The following ERICH6B variants were observed in gnomAD, a reference collection of about 807,000 sequenced individuals.
ERICH6B encodes glutamate rich 6B, also known as glutamate-rich protein 6B.
Under a neutral mutation model 80.0 loss-of-function variants are expected in ERICH6B, and 69 were observed. The observed-to-expected ratio is 0.86, with a 90% CI of 0.71 to 1.05. The LOEUF is 1.05. Among genes scored for constraint, ERICH6B ranks in the 50% least tolerant of loss-of-function variants. The probability of loss-of-function intolerance (pLI) is 0.00; values close to 1 mark genes in which losing one functional copy is unlikely to be tolerated. For missense variants in ERICH6B, 754 were observed against 796.1 expected (o/e 0.95, Z 0.64); for synonymous variants, 283 against 291.9 (o/e 0.97, Z 0.31).
chr13:45,603,950 T>C (rs1949842335), intron 2 of ERICH6B, among the ~76,000 whole-genome samples: 1 of 152,058 alleles, frequency 6.6e-6, no homozygotes, highest in South Asian at 2.1e-4. Context: ...GTGTGTTGAG[T>C]GAATGTGTGA....
chr13:45,550,312 T>G lies in ERICH6B; in HGVS notation c.1412A>C (p.His471Pro). The change falls in exon 12 of 15, where the codon CAT (histidine) becomes CCT (proline). Residue 471 changes from histidine (H) to proline (P), a missense_variant. Coordinates refer to ENST00000298738, the MANE Select transcript of ERICH6B (RefSeq NM_182542.3). ...KEWIQKKTVV[H>P]QGDGKLILYP... ...GAGAATTAATTTTCCATCACCTTGA[T>G]GCACCTGGGAAGAAAAGACAAGCCT... The G allele has an allele frequency of 1.3e-6, 2 of 1,551,324 alleles. No homozygotes were observed. The highest frequency in any genetic ancestry group is 2.4e-5 in the South Asian group (2 of 84,042).
Position 45,544,828 on chromosome 13 carries a change from C to T in ERICH6B, c.1804G>A (p.Asp602Asn), listed in dbSNP as rs1345615068. ...TAGGTGAAGCAGAAGATGATCTTAT[C>T]CTGGCTCCTTATTTGTACCTGGATG... is the stretch of plus-strand genomic sequence containing the variant. Reference protein sequence around the residue: ...EYIQVQIRSQDKIIFCFTYEQ... With the variant: ...EYIQVQIRSQNKIIFCFTYEQ... Residue 602 changes from aspartate to asparagine, a missense_variant, in exon 14 of 15, where the codon GAT becomes AAT. Asp to Asn is a conservative substitution (Grantham distance 23, BLOSUM62 1). Transcript: ENST00000298738. 6.4e-7 allele frequency: 1 copy of T among 1,551,674 alleles called. No individual in the cohort carries two copies. The highest frequency in any genetic ancestry group is 8.7e-7 in the Non-Finnish European group (1 of 1,146,984).
intron 3 of ERICH6B, among the ~76,000 whole-genome samples, 184 bp from the exon 4 acceptor site, chr13:45,590,881 G>A (rs767918168): frequency 6.6e-6 from 1 of 152,066 alleles, no homozygotes; most frequent in Non-Finnish European, 1.5e-5. Flanking sequence ...TATAAAATTA[G>A]TGAGAACTCA....
rs116062781 is a variant in ERICH6B, at chr13:45,569,810, C to T, written c.1051-1359G>A. On this transcript the variant is annotated intron_variant, in intron 8 of 14. Coordinates refer to ENST00000298738, the MANE Select transcript of ERICH6B (RefSeq NM_182542.3). ...TAGGTCCGACTTGCCTGATTCCTAG[C>T]CTCTGAGCCCTGTCTGTCTCTATTT... Among the ~76,000 whole-genome samples, 471 of 152,264 alleles carry T rather than the reference C, an allele frequency of 3.1e-3. 5 individuals are homozygous for T. The highest frequency in any genetic ancestry group is 0.011 in the African/African-American group (437 of 41,552).
At chr13:45,576,353 C>T (rs190932508) in intron 7 of ERICH6B, among the ~76,000 whole-genome samples, 6 of 152,350 alleles carry the variant, frequency 3.9e-5, no homozygotes, top group African/African-American at 1.4e-4. Flanking sequence ...ATGCCACCCC[C>T]ACTGGGGTAC....
intron 5 of ERICH6B, among the ~76,000 whole-genome samples, chr13:45,585,014 G>A (rs995463902): frequency 3.3e-5 from 5 of 151,972 alleles, no homozygotes; most frequent in African/African-American, 4.8e-5. Context: ...CATCTTTGTC[G>A]CCATCTTCAG....
At chr13:45,583,098 C>T (rs1875742237) in intron 5 of ERICH6B, among the ~76,000 whole-genome samples, 1 of 152,198 alleles carries the variant, frequency 6.6e-6, no homozygotes, top group African/African-American at 2.4e-5. Context: ...CTTTTGATTT[C>T]TTTTCACCAA....
intron 11 of ERICH6B, among the ~76,000 whole-genome samples, chr13:45,556,129 T>G (rs752842484): frequency 1.3e-5 from 2 of 151,692 alleles, no homozygotes; most frequent in Non-Finnish European, 2.9e-5. Flanking sequence ...TCTGCTGCTG[T>G]TTCCTCGTGG....
intron 4 of ERICH6B, 123 bp downstream of exon 4, chr13:45,590,526 C>T (rs1876113770): frequency 1.2e-6 from 1 of 865,628 alleles, no homozygotes; most frequent in Non-Finnish European, 1.8e-6. Context: ...CAGGAACCCC[C>T]ACTAAACTCC....
In ERICH6B at chr13:45,563,732, C is replaced by T. The variant is rs907953283; in HGVS notation, c.1244G>A (p.Arg415His). ...KETILRIKRR[R>H]EAQKLTEMTS... ...AATGGTGGAGTGGTGCCTACCTTCA[C>T]GTCTCCTCTTAATCCGTAAGATTGT... The change falls in exon 10 of 15, where the codon CGT becomes CAT. Residue 415 changes from arginine (R) to histidine (H), a missense_variant. By Grantham distance (29) the Arg-to-His change is conservative. Transcript: ENST00000298738. The T allele has an allele frequency of 1.4e-5, 22 of 1,552,144 alleles. No homozygotes were observed. The highest frequency in any genetic ancestry group is 1.7e-4 in the Middle Eastern group (1 of 6,020).
In ERICH6B at chr13:45,574,915, G is replaced by C. The variant is rs763099557; in HGVS notation, c.977C>G (p.Ser326Cys). 8.2e-5 allele frequency: 127 copies of C among 1,551,392 alleles called. No individual in the cohort carries two copies. Among genetic ancestry groups the C allele is most frequent in the Non-Finnish European group, 1.1e-4 (123 of 1,146,836 alleles). Residue 326 changes from serine to cysteine, a missense_variant, in exon 8 of 15, where the codon TCT becomes TGT. Coordinates refer to ENST00000298738, the MANE Select transcript of ERICH6B (RefSeq NM_182542.3). ...KKEENVLEFA[S>C]KENFWDGITD... The stretch of plus-strand genomic sequence containing the variant: ...TATACCATCCCAAAAGTTCTCTTTA[G>C]AAGCAAACTCCAGGACTTTCGATTT...
intron 6 of ERICH6B, among the ~76,000 whole-genome samples, chr13:45,580,295 T>C (rs145351378): frequency 6.6e-6 from 1 of 152,338 alleles, no homozygotes; most frequent in Admixed American, 6.5e-5. Flanking sequence ...GTAAATGTCA[T>C]TGCATGAACT....
At chr13:45,547,627 A>G (rs896862013) in intron 13 of ERICH6B, among the ~76,000 whole-genome samples, 1 of 152,236 alleles carries the variant, frequency 6.6e-6, no homozygotes. Context: ...CAAGCACTAG[A>G]ATAACTGCTC....
chr13:45,597,719 A>G (rs571482642), intron 2 of ERICH6B, among the ~76,000 whole-genome samples: 83 of 152,184 alleles, frequency 5.5e-4, no homozygotes, highest in Middle Eastern at 3.4e-3. Context: ...TGCTCCATCC[A>G]TGTCCTCTAT....
chr13:45,589,645 G>T (rs930312003), intron 4 of ERICH6B, among the ~76,000 whole-genome samples: 2 of 152,228 alleles, frequency 1.3e-5, no homozygotes, highest in African/African-American at 4.8e-5. Context: ...GAGGAGCTGA[G>T]TTTCAAACCT....
chr13:45,611,367 G>A (rs938558914), intron 1 of ERICH6B, among the ~76,000 whole-genome samples: 3 of 152,112 alleles, frequency 2.0e-5, no homozygotes, highest in Admixed American at 6.5e-5. Context: ...CTCAAATACC[G>A]AGTGATTTGG....
intron 3 of ERICH6B, among the ~76,000 whole-genome samples, chr13:45,591,784 G>C (rs957657719): frequency 1.3e-5 from 2 of 152,182 alleles, no homozygotes; most frequent in South Asian, 4.1e-4. Flanking sequence ...TGGCGGCAGA[G>C]AGACAGAATA....
rs549472963 is a variant in ERICH6B, at chr13:45,584,550, G to A, written c.856+2513C>T. Reference sequence around the variant, plus strand: ...ACTAGAAGTTCTCCATTTCCTCATTGTTCGTGTCCCCAAGCATCCTCTGGG... The same window carrying A: ...ACTAGAAGTTCTCCATTTCCTCATTATTCGTGTCCCCAAGCATCCTCTGGG... On this transcript the variant is annotated intron_variant, in intron 5 of 14. Transcript: ENST00000298738. Among the ~76,000 whole-genome samples the A allele has an allele frequency of 5.9e-5, 9 of 152,264 alleles. No homozygotes were observed. In the East Asian group the frequency reaches 1.5e-3, roughly 26 times the overall value.
At chr13:45,610,261 C>T (rs1347716852) in intron 1 of ERICH6B, among the ~76,000 whole-genome samples, 1 of 152,034 alleles carries the variant, frequency 6.6e-6, no homozygotes, top group Non-Finnish European at 1.5e-5. Flanking sequence ...CCGCCAACTA[C>T]TCCTGTGGCC....
Sources: allele counts gnomAD v4.1 joint callset (sites outside exome capture counted in the v4.1 genomes callset), GRCh38; gene constraint gnomAD v4.1.1; transcripts MANE v1.5; gene names NCBI Gene and HGNC (gene_info 2026-07-23, HGNC 2026-07-21).